ZNF83: variants seen among roughly 807,000 people sequenced by gnomAD.
ZNF83 encodes the protein zinc finger protein 83, also known as zinc finger protein 816B.
For missense variants in ZNF83, 552 were observed against 629.9 expected (o/e 0.88, Z 1.32); for synonymous variants, 209 against 213.0 (o/e 0.98, Z 0.17).
exon 3 of ZNF83, chr19:52,614,474 A>C: frequency 6.2e-7 from 1 of 1,612,646 alleles, no homozygotes; most frequent in Non-Finnish European, 8.5e-7. Context: ...TCAGCTTGAA[A>C]TAGCTGCAGT....
chr19:52,665,161 C>T (rs867699890), intron 1 of ZNF83, among the ~76,000 whole-genome samples: 3 of 152,154 alleles, frequency 2.0e-5, no homozygotes, highest in Non-Finnish European at 4.4e-5. Flanking sequence ...AGAGTCCACC[C>T]TGTGCTCAGC....
upstream of ZNF83, among the ~76,000 whole-genome samples, chr19:52,639,413 C>CTTTTTTTTTCTTTTTTTT (rs1206783591): frequency 2.6e-4 from 14 of 53,844 alleles, no homozygotes; most frequent in Middle Eastern, 0.014. Context: ...TTAGTTTTTT[C>CTTTTTTTTTCTTTTTTTT]TATTTTTTTT....
intron 2 of ZNF83, among the ~76,000 whole-genome samples, chr19:52,656,828 T>A (rs1444338598): frequency 6.9e-6 from 1 of 145,638 alleles, no homozygotes; most frequent in Non-Finnish European, 1.5e-5. Flanking sequence ...ATAGTGCCAT[T>A]TCATTCCAGC....
intron 1 of ZNF83, among the ~76,000 whole-genome samples, chr19:52,637,321 T>G (rs910908537): frequency 1.3e-5 from 2 of 152,046 alleles, no homozygotes; most frequent in African/African-American, 2.4e-5. Flanking sequence ...GATCCCCAGG[T>G]GTCCTCCCTG....
At chr19:52,643,012 C>T (rs554127022), upstream of ZNF83, among the ~76,000 whole-genome samples, 1 of 152,076 alleles carries the variant, frequency 6.6e-6, no homozygotes, top group South Asian at 2.1e-4. Flanking sequence ...CAAAAAGTAG[C>T]CAGGCTTGGT....
intron 1 of ZNF83, among the ~76,000 whole-genome samples, chr19:52,677,320 A>T (rs868725870): frequency 8.0e-6 from 1 of 125,432 alleles, no homozygotes; most frequent in Non-Finnish European, 1.8e-5. Flanking sequence ...AAAAAAAAAA[A>T]AAAAAAAAAA....
At chr19:52,637,438 C>T (rs1056585627) in intron 1 of ZNF83, among the ~76,000 whole-genome samples, 3 of 152,098 alleles carry the variant, frequency 2.0e-5, no homozygotes, top group African/African-American at 7.2e-5. Context: ...TCCCTCTTTG[C>T]TGCCCCTCTC....
At chr19:52,627,465 C>T (rs971031193) in intron 2 of ZNF83, among the ~76,000 whole-genome samples, 2 of 152,102 alleles carry the variant, frequency 1.3e-5, no homozygotes, top group African/African-American at 4.8e-5. Context: ...AATTCAAGAC[C>T]AGCCTGGCCA....
At chr19:52,653,090 T>G (rs2147256616) in intron 3 of ZNF83, 1 of 1,477,966 alleles carries the variant, frequency 6.8e-7, no homozygotes, top group Non-Finnish European at 9.4e-7. Context: ...TGAATTGCCT[T>G]ATGAATTAGA....
intron 1 of ZNF83, among the ~76,000 whole-genome samples, chr19:52,682,541 C>T (rs1163636010): frequency 2.6e-5 from 4 of 152,026 alleles, no homozygotes; most frequent in African/African-American, 9.7e-5. Context: ...CATGGCAGTG[C>T]ATACCTGTAG....
upstream of ZNF83, among the ~76,000 whole-genome samples, chr19:52,639,180 A>G (rs1466164703): frequency 6.6e-6 from 1 of 151,856 alleles, no homozygotes; most frequent in Non-Finnish European, 1.5e-5. Flanking sequence ...TCTGTCTCCC[A>G]GGTTCAATCG....
chr19:52,676,326 C>A (rs8104539), intron 1 of ZNF83, among the ~76,000 whole-genome samples: 32,477 of 151,724 alleles, frequency 0.21, 3,620 homozygotes, highest in Non-Finnish European at 0.24. Context: ...GATCTCGGCT[C>A]ACTACAACCT....
intron 2 of ZNF83, among the ~76,000 whole-genome samples, chr19:52,626,922 G>T (rs1415883194): frequency 2.0e-5 from 3 of 152,080 alleles, no homozygotes; most frequent in Non-Finnish European, 1.5e-5. Flanking sequence ...AAGACTGCAG[G>T]TATACATCCA....
intron 2 of ZNF83, among the ~76,000 whole-genome samples, chr19:52,623,899 A>G (rs182958391): frequency 2.6e-4 from 39 of 152,180 alleles, no homozygotes; most frequent in African/African-American, 8.9e-4. Flanking sequence ...TGTTTTGCCT[A>G]TCCACCCTGT....
At chr19:52,634,032 G>T (rs1329040112) in intron 2 of ZNF83, among the ~76,000 whole-genome samples, 5 of 152,056 alleles carry the variant, frequency 3.3e-5, no homozygotes, top group Non-Finnish European at 7.4e-5. Flanking sequence ...CACTATAGGA[G>T]GCTGAGGCAG....
chr19:52,648,516 T>C (rs1351596518), intron 3 of ZNF83, among the ~76,000 whole-genome samples: 1 of 152,210 alleles, frequency 6.6e-6, no homozygotes, highest in Non-Finnish European at 1.5e-5. Context: ...CCTAGTCTCT[T>C]AAGCATGACT....
intron 1 of ZNF83, among the ~76,000 whole-genome samples, chr19:52,689,724 TTC>T (rs1401218202): frequency 4.0e-5 from 6 of 151,558 alleles, no homozygotes; most frequent in East Asian, 1.9e-4. Flanking sequence ...CATTCTTCTT[TTC>T]TCTGTCTCAG....
At chr19:52,667,789 C>A (rs966132307) in intron 1 of ZNF83, among the ~76,000 whole-genome samples, 1 of 152,072 alleles carries the variant, frequency 6.6e-6, no homozygotes, top group Non-Finnish European at 1.5e-5. Flanking sequence ...AAAAATCTTA[C>A]CTTATGGTCA....
intron 1 of ZNF83, among the ~76,000 whole-genome samples, chr19:52,662,200 G>A (rs2061589765): frequency 6.6e-6 from 1 of 152,160 alleles, no homozygotes; most frequent in Non-Finnish European, 1.5e-5. Context: ...TACAAATAAT[G>A]GAATTCATTT....
Sources: gnomAD v4.1 joint callset for allele counts (sites outside exome capture counted in the v4.1 genomes callset) on GRCh38, gnomAD v4.1.1 for gene constraint, MANE v1.5 for transcripts, NCBI Gene and HGNC (gene_info 2026-07-23, HGNC 2026-07-21) for gene names.